CASK: variants seen among roughly 807,000 people sequenced by gnomAD.
The protein encoded by CASK is calcium/calmodulin dependent serine protein kinase, also known as peripheral plasma membrane protein CASK.
In CASK, 4 loss-of-function variants were observed where a neutral mutation model predicts 82.9. The observed-to-expected ratio is 0.05, with a 90% CI of 0.02 to 0.11. CASK has a LOEUF of 0.11. Among genes scored for constraint, CASK ranks in the 10% least tolerant of loss-of-function variants. CASK has a pLI of 1.00. For synonymous variants in CASK, 259 were observed against 253.5 expected, an observed-to-expected ratio of 1.02 and a Z score of -0.20; for missense variants, 358 against 720.9, an observed-to-expected ratio of 0.50 and a Z score of 5.76.
chrX:41,649,166 G>A (rs1228188362), intron 8 of CASK, among the ~76,000 whole-genome samples: 44 of 110,875 alleles, frequency 4.0e-4, no homozygotes, highest in Admixed American at 6.7e-4. Flanking sequence ...TCTTGCTAGC[G>A]GTGTATCAAT....
chrX:41,670,058 T>C (rs2067175452), intron 6 of CASK, among the ~76,000 whole-genome samples: 1 of 112,408 alleles, frequency 8.9e-6, no homozygotes, highest in Admixed American at 9.4e-5. Flanking sequence ...GATGAGCTTT[T>C]TAATACTTAA....
chrX:41,637,718 AC>A (rs1339540527), intron 8 of CASK, among the ~76,000 whole-genome samples: 4 of 109,905 alleles, frequency 3.6e-5, no homozygotes, highest in African/African-American at 1.3e-4. Context: ...ATCCTGGCTC[AC>A]CACAGCCTCG....
At chrX:41,693,747 C>T (rs2067624832) in intron 5 of CASK, among the ~76,000 whole-genome samples, 1 of 111,777 alleles carries the variant, frequency 8.9e-6, no homozygotes, top group Non-Finnish European at 1.9e-5. Flanking sequence ...AGACTCAGTC[C>T]TTCCCCGCTC....
intron 1 of CASK, among the ~76,000 whole-genome samples, chrX:41,922,435 G>A (rs781607472): frequency 9.0e-6 from 1 of 111,490 alleles, no homozygotes; most frequent in Non-Finnish European, 1.9e-5. Context: ...AAAGCACCCC[G>A]TCTTAAATGA....
chrX:41,597,459 T>C (rs891743252), intron 12 of CASK, among the ~76,000 whole-genome samples: 1 of 112,650 alleles, frequency 8.9e-6, no homozygotes, highest in African/African-American at 3.2e-5. Flanking sequence ...AATGAATGTG[T>C]CTGTGATGAT....
chrX:41,607,678 C>G (rs749795923), intron 12 of CASK, among the ~76,000 whole-genome samples: 1 of 112,183 alleles, frequency 8.9e-6, no homozygotes, highest in Admixed American at 9.5e-5. Flanking sequence ...CAGGTGAGCA[C>G]GTGACTAGCA....
chrX:41,693,162 C>T (rs770729261), intron 5 of CASK, among the ~76,000 whole-genome samples: 1 of 111,460 alleles, frequency 9.0e-6, no homozygotes, highest in African/African-American at 3.3e-5. Context: ...CTTCTTGTGC[C>T]TCAATTCCCT....
chrX:41,740,085 A>G, intron 4 of CASK, among the ~76,000 whole-genome samples: 1 of 112,211 alleles, frequency 8.9e-6, no homozygotes, highest in South Asian at 3.7e-4. Context: ...GCACAGGTGA[A>G]GAACAAAGAA....
At chrX:41,533,280 G>A (rs768297892) in intron 24 of CASK, among the ~76,000 whole-genome samples, 1 of 112,613 alleles carries the variant, frequency 8.9e-6, no homozygotes, top group East Asian at 2.8e-4. Flanking sequence ...TAACATGGAA[G>A]TTCAGTTGTT....
chrX:41,864,174 T>C (rs1385064986), intron 1 of CASK, among the ~76,000 whole-genome samples: 3 of 111,885 alleles, frequency 2.7e-5, no homozygotes, highest in Non-Finnish European at 3.8e-5. Flanking sequence ...AATTAAATTA[T>C]CTAATTTAAA....
chrX:41,517,764 TAGCAGTAGC>T lies in CASK; in HGVS notation c.*2647_*2655del. The T allele has an allele frequency of 2.7e-6, 2 of 734,604 alleles. No homozygotes were observed. Among genetic ancestry groups the T allele is most frequent in the Non-Finnish European group, 2.0e-6 (1 of 498,843 alleles). 60.5% of individuals were successfully genotyped at this position (734,604 alleles called of 1,213,427 possible). On this transcript the variant is annotated 3_prime_UTR_variant, in exon 27 of 27. Coordinates refer to ENST00000378163, the MANE Select transcript of CASK (RefSeq NM_001367721.1). ...GATTGCTTAGTGGACAATTGTAATG[TAGCAGTAGC>T]AGCAGCAGCAGCAGCAGCAGCAGCA...
rs751531004 is a variant in CASK at position 41,650,448 on chromosome X, GT to G, written c.831+9990del. Among the ~76,000 whole-genome samples the G allele has an allele frequency of 4.7e-4, 47 of 99,548 alleles. 2 individuals are homozygous for G. In the South Asian group the frequency reaches 0.013, roughly 28 times the overall value. 86.4% of individuals were successfully genotyped at this position (99,548 alleles called of 115,157 possible). On this transcript the variant is annotated intron_variant, in intron 8 of 26. Transcript: ENST00000378163. ...CATGGCATCATGCCTGGTTTTTGTGGTTTTTTTTTGTTTTTTTTTGTTTTTG... is the reference window on the plus strand; with the variant it reads ...CATGGCATCATGCCTGGTTTTTGTGGTTTTTTTTGTTTTTTTTTGTTTTTG...
intron 15 of CASK, chrX:41,571,037 C>T (rs2065405029): frequency 9.0e-6 from 1 of 111,709 alleles, no homozygotes; most frequent in South Asian, 3.7e-4. Context: ...AACATATTAA[C>T]CTTTTCATAT....
At chrX:41,619,374 A>G (rs749713820) in intron 11 of CASK, among the ~76,000 whole-genome samples, 2 of 109,535 alleles carry the variant, frequency 1.8e-5, no homozygotes, top group African/African-American at 6.6e-5. Flanking sequence ...CCTGGCCTCA[A>G]GCAATCCTCC....
At chrX:41,737,263 G>GA (rs1411841162) in intron 5 of CASK, among the ~76,000 whole-genome samples, 2 of 111,925 alleles carry the variant, frequency 1.8e-5, no homozygotes, top group African/African-American at 6.5e-5. Flanking sequence ...TGAGATGTCA[G>GA]AAAAATGAGT....
intron 8 of CASK, among the ~76,000 whole-genome samples, chrX:41,645,771 G>A (rs751112851): frequency 8.4e-5 from 9 of 107,505 alleles, no homozygotes; most frequent in Non-Finnish European, 1.6e-4. Flanking sequence ...ACTCAATCTC[G>A]CTTACACTAG....
intron 12 of CASK, among the ~76,000 whole-genome samples, chrX:41,606,873 T>G (rs1423469161): frequency 9.1e-6 from 1 of 110,054 alleles, no homozygotes; most frequent in Non-Finnish European, 1.9e-5. Context: ...TTAAATTTTT[T>G]GTAGAGATGG....
intron 8 of CASK, among the ~76,000 whole-genome samples, chrX:41,637,516 A>T (rs2066578250): frequency 1.0e-5 from 1 of 97,401 alleles, no homozygotes; most frequent in Non-Finnish European, 2.0e-5. Flanking sequence ...GCACTTTGGG[A>T]GGCTGAGGCA....
intron 2 of CASK, among the ~76,000 whole-genome samples, chrX:41,836,999 A>G (rs191367149): frequency 8.3e-4 from 93 of 112,192 alleles, no homozygotes; most frequent in African/African-American, 2.6e-3. Flanking sequence ...GCTATCAGTT[A>G]TATCAGTCAG....
Sources: allele counts gnomAD v4.1 joint callset (sites outside exome capture counted in the v4.1 genomes callset), GRCh38; gene constraint gnomAD v4.1.1; transcripts MANE v1.5; gene names NCBI Gene and HGNC (gene_info 2026-07-23, HGNC 2026-07-21).